L3MBTL4: variants seen among roughly 807,000 people sequenced by gnomAD.
The protein encoded by L3MBTL4 is L3MBTL histone methyl-lysine binding protein 4.
In L3MBTL4, 70 loss-of-function variants were observed where a neutral mutation model predicts 84.5. The observed-to-expected ratio is 0.83, with a 90% confidence interval of 0.68 to 1.01. L3MBTL4 has a LOEUF of 1.01. Among genes scored for constraint, L3MBTL4 ranks in the 50% least tolerant of loss-of-function variants. The pLI is 0.00. For missense variants in L3MBTL4, 715 were observed against 754.8 expected, an observed-to-expected ratio of 0.95 and a Z score of 0.62; for synonymous variants, 274 against 259.8, an observed-to-expected ratio of 1.05 and a Z score of -0.52.
At chr18:6,015,997 G>A (rs936948509) in intron 16 of L3MBTL4, among the ~76,000 whole-genome samples, 4 of 152,308 alleles carry the variant, frequency 2.6e-5, no homozygotes, top group Non-Finnish European at 2.9e-5. Flanking sequence ...ACAACTCGGT[G>A]CAGTCTCTAC....
intron 13 of L3MBTL4, among the ~76,000 whole-genome samples, chr18:6,152,266 C>T (rs902393033): frequency 2.0e-5 from 3 of 152,104 alleles, no homozygotes; most frequent in Admixed American, 6.5e-5. Context: ...ATTGCTGGAT[C>T]TCATGGTAGT....
intron 16 of L3MBTL4, among the ~76,000 whole-genome samples, chr18:5,982,010 T>TG (rs1195631086): frequency 1.8e-5 from 1 of 56,452 alleles, no homozygotes. Context: ...GTGTGTGTGT[T>TG]TTGGGAAAAA....
intron 13 of L3MBTL4, among the ~76,000 whole-genome samples, chr18:6,163,280 TGTGTGTGTGTGTGTGTGTGTGTGTGTGG>T: frequency 8.9e-6 from 1 of 112,614 alleles, no homozygotes; most frequent in African/African-American, 4.2e-5. Context: ...TGGGTGTGTG[TGTGTGTGTGTGTGTGTGTGTGTGTGTGG>T]GTGGGTGTGT....
intron 1 of L3MBTL4, among the ~76,000 whole-genome samples, chr18:6,359,844 T>C (rs919725820): frequency 6.6e-6 from 1 of 151,806 alleles, no homozygotes; most frequent in Non-Finnish European, 1.5e-5. Context: ...TTCCTCCTAG[T>C]GTGGGGGGCA....
intron 12 of L3MBTL4, among the ~76,000 whole-genome samples, chr18:6,202,249 T>A (rs2045679625): frequency 6.6e-6 from 1 of 152,188 alleles, no homozygotes; most frequent in Non-Finnish European, 1.5e-5. Flanking sequence ...GATTTGTGAA[T>A]CATTCTTCAT....
At chr18:6,264,106 A>C in intron 4 of L3MBTL4, 68 bp from the exon 5 acceptor site, 1 of 1,174,442 alleles carries the variant, frequency 8.5e-7, no homozygotes. Flanking sequence ...AACTTACTTG[A>C]CAATAAACTC....
At chr18:6,269,497 T>C (rs1286582802) in intron 4 of L3MBTL4, among the ~76,000 whole-genome samples, 1 of 152,018 alleles carries the variant, frequency 6.6e-6, no homozygotes, top group East Asian at 1.9e-4. Context: ...CTTTTGAAAG[T>C]CATGTCGACA....
chr18:6,376,395 C>T (rs2054371860), intron 1 of L3MBTL4, among the ~76,000 whole-genome samples: 1 of 152,220 alleles, frequency 6.6e-6, no homozygotes, highest in South Asian at 2.1e-4. Flanking sequence ...ACTGTCTGTT[C>T]ATTTGTTTTG....
At chr18:6,260,140 T>A (rs2048332984) in intron 5 of L3MBTL4, 1 of 152,214 alleles carries the variant, frequency 6.6e-6, no homozygotes, top group South Asian at 2.1e-4. Context: ...TTCTGTTCCA[T>A]TGTTCTATGT....
At chr18:6,308,633 A>C (rs1473831635) in intron 3 of L3MBTL4, among the ~76,000 whole-genome samples, 1 of 152,232 alleles carries the variant, frequency 6.6e-6, no homozygotes, top group African/African-American at 2.4e-5. Context: ...TGTATCTCCA[A>C]GACATTCATA....
rs57693572 is a variant in L3MBTL4 at position 6,036,272 on chromosome 18, C to T, written c.1444+44609G>A. On this transcript the variant is annotated intron_variant, in intron 16 of 18. Coordinates refer to ENST00000317931, the MANE Select transcript of L3MBTL4 (RefSeq NM_001330559.2). ...ATTTCTTTAAACATTCTCTATACCC[C>T]TTTCTCTCTTTCATCCTCTGAAATT... Among the ~76,000 whole-genome samples, 1,200 of 152,168 alleles carry T rather than the reference C, an allele frequency of 7.9e-3. 19 individuals carry two copies. The highest frequency in any genetic ancestry group is 0.027 in the African/African-American group (1,139 of 41,502).
intron 14 of L3MBTL4, among the ~76,000 whole-genome samples, chr18:6,131,547 A>C (rs1389346386): frequency 9.3e-6 from 1 of 107,296 alleles, no homozygotes; most frequent in Non-Finnish European, 2.0e-5. Context: ...GGAATACACA[A>C]GTTTTACTCA....
At chr18:6,327,892 T>C (rs1323249748) in intron 1 of L3MBTL4, among the ~76,000 whole-genome samples, 1 of 152,238 alleles carries the variant, frequency 6.6e-6, no homozygotes, top group East Asian at 1.9e-4. Flanking sequence ...CATTTGCCCC[T>C]GAATATCATC....
Position 6,109,007 on chromosome 18 carries a change from A to C in L3MBTL4, c.1200-15479T>G, listed in dbSNP as rs189049633. ...TCCAGGGTCCTGGAACCAATGTCCTATGGGTACCAAGGAATGGCTGAATTG... is the reference window on the plus strand; with the variant it reads ...TCCAGGGTCCTGGAACCAATGTCCTCTGGGTACCAAGGAATGGCTGAATTG... On this transcript the variant is annotated intron_variant, in intron 14 of 18. Coordinates refer to ENST00000317931, the MANE Select transcript of L3MBTL4 (RefSeq NM_001330559.2). 1.2e-3 allele frequency among the ~76,000 whole-genome samples: 176 copies of C among 152,276 alleles called. 2 individuals are homozygous for C. The highest frequency in any genetic ancestry group is 4.5e-3 in the Admixed American group (69 of 15,302).
intron 1 of L3MBTL4, among the ~76,000 whole-genome samples, chr18:6,398,732 A>G (rs1715560628): frequency 7.9e-6 from 1 of 126,026 alleles, no homozygotes; most frequent in South Asian, 2.9e-4. Flanking sequence ...ATTGGATTTC[A>G]GACTTCATTG....
In L3MBTL4 at chr18:6,048,332, C is replaced by T. The variant is rs755373184; in HGVS notation, c.1444+32549G>A. On this transcript the variant is annotated intron_variant, in intron 16 of 18. Coordinates refer to ENST00000317931, the MANE Select transcript of L3MBTL4 (RefSeq NM_001330559.2). ...CCCCAGGCAATTTACAGATTCAATGCTATCCCTATCAAACTACCAATGTTA... is the reference window on the plus strand; with the variant it reads ...CCCCAGGCAATTTACAGATTCAATGTTATCCCTATCAAACTACCAATGTTA... 7.2e-5 allele frequency among the ~76,000 whole-genome samples: 11 copies of T among 152,142 alleles called. 1 individual carries two copies. Among genetic ancestry groups the T allele is most frequent in the African/African-American group, 2.2e-4 (9 of 41,430 alleles).
chr18:6,071,340 A>G (rs980629044), intron 16 of L3MBTL4, among the ~76,000 whole-genome samples: 23 of 151,730 alleles, frequency 1.5e-4, no homozygotes, highest in Middle Eastern at 3.4e-3. Context: ...GCAGGAAGCC[A>G]GGATTACACC....
intron 16 of L3MBTL4, among the ~76,000 whole-genome samples, chr18:6,034,254 G>A (rs867481358): frequency 5.0e-4 from 76 of 152,004 alleles, no homozygotes; most frequent in Middle Eastern, 6.8e-3. Flanking sequence ...CCACTAACTC[G>A]TCATCTAGCA....
chr18:6,240,827 G>A (rs2047421120), intron 8 of L3MBTL4, among the ~76,000 whole-genome samples: 1 of 152,228 alleles, frequency 6.6e-6, no homozygotes, highest in South Asian at 2.1e-4. Context: ...GCCAGTGGCA[G>A]AGCCGACTTC....
Sources: allele counts gnomAD v4.1 joint callset (sites outside exome capture counted in the v4.1 genomes callset), GRCh38; gene constraint gnomAD v4.1.1; transcripts MANE v1.5; gene names NCBI Gene and HGNC (gene_info 2026-07-23, HGNC 2026-07-21).